NETO1: variants seen among roughly 807,000 people sequenced by gnomAD.
The protein encoded by NETO1 is neuropilin and tolloid like 1, also known as neuropilin and tolloid-like protein 1.
In NETO1, 26 loss-of-function variants were observed where a neutral mutation model predicts 61.3. The observed-to-expected ratio is 0.42, with a 90% CI of 0.31 to 0.59. NETO1 has a LOEUF of 0.59. Ranked by LOEUF, NETO1 falls within the 20% of genes least tolerant of loss-of-function variation. The pLI is 0.12. For synonymous variants in NETO1, 225 were observed against 225.8 expected, an observed-to-expected ratio of 1.00 and a Z score of 0.03; for missense variants, 531 against 662.8, an observed-to-expected ratio of 0.80 and a Z score of 2.18.
Position 72,747,816 on chromosome 18 carries a change from A to T in NETO1, c.*363T>A, listed in dbSNP as rs2070464023. 1 of 152,080 alleles carries T rather than the reference A, an allele frequency of 6.6e-6. No individual in the cohort carries two copies. The highest frequency in any genetic ancestry group is 1.5e-5 in the Non-Finnish European group (1 of 67,978). 9.4% of individuals were successfully genotyped at this position (152,080 alleles called of 1,614,324 possible). On this transcript the variant is annotated 3_prime_UTR_variant, in exon 11 of 11. Coordinates refer to ENST00000327305, the MANE Select transcript of NETO1 (RefSeq NM_138966.5). ...TTCGTGTTTTTTTTTCACATATCAC[A>T]CAATGTACAATTATATAACAAAGAC...
intron 4 of NETO1, among the ~76,000 whole-genome samples, chr18:72,832,369 A>G (rs1011751968): frequency 6.6e-6 from 1 of 152,218 alleles, no homozygotes; most frequent in Non-Finnish European, 1.5e-5. Context: ...AATTAGAGAA[A>G]GGTGCATTAC....
intron 4 of NETO1, among the ~76,000 whole-genome samples, chr18:72,855,510 T>C (rs976080821): frequency 6.6e-5 from 10 of 152,214 alleles, no homozygotes; most frequent in Non-Finnish European, 1.0e-4. Context: ...GGGCCTCCTT[T>C]AAGCCCATTT....
At chr18:72,813,887 G>A (rs1483032672) in intron 4 of NETO1, among the ~76,000 whole-genome samples, 1 of 151,988 alleles carries the variant, frequency 6.6e-6, no homozygotes, top group African/African-American at 2.4e-5. Context: ...TTTCAAAACT[G>A]TTGAAAAAGA....
intron 4 of NETO1, among the ~76,000 whole-genome samples, chr18:72,840,379 G>A (rs181084181): frequency 1.7e-3 from 266 of 152,296 alleles, no homozygotes; most frequent in Non-Finnish European, 3.1e-3. Flanking sequence ...AGGTGACCTA[G>A]CCCAGAAGCT....
intron 4 of NETO1, among the ~76,000 whole-genome samples, chr18:72,844,576 T>A (rs6566674): frequency 0.85 from 130,102 of 152,244 alleles, 56,091 homozygotes; most frequent in Non-Finnish European, 0.91. Context: ...AATGGTCTTG[T>A]CTACCAGATA....
At chr18:72,861,753 T>C (rs1014486501) in intron 3 of NETO1, among the ~76,000 whole-genome samples, 88 of 152,316 alleles carry the variant, frequency 5.8e-4, no homozygotes, top group African/African-American at 2.0e-3. Flanking sequence ...TCCCTCTTTC[T>C]CTTCTATTTT....
At chr18:72,794,052 G>A (rs2072228795) in intron 6 of NETO1, 65 bp downstream of exon 6, 1 of 1,601,754 alleles carries the variant, frequency 6.2e-7, no homozygotes, top group East Asian at 2.2e-5. Flanking sequence ...TTGCTTCAAA[G>A]CAATGCTTGT....
chr18:72,862,777 C>T lies in NETO1; in HGVS notation c.220+2031G>A, dbSNP rs560501620. 6.6e-5 allele frequency among the ~76,000 whole-genome samples: 10 copies of T among 152,144 alleles called. No individual in the cohort carries two copies. The East Asian group carries it at 7.8e-4, about 12-fold the overall frequency. On this transcript the variant is annotated intron_variant, in intron 3 of 10. Coordinates refer to ENST00000327305, the MANE Select transcript of NETO1 (RefSeq NM_138966.5). Reference sequence around the variant, plus strand: ...CTGGGACTACAGGTGCACGCCACCACGCCTGGCTCATTTTTCGTATTTTTA... The same window carrying T: ...CTGGGACTACAGGTGCACGCCACCATGCCTGGCTCATTTTTCGTATTTTTA...
chr18:72,777,777 T>C (rs2071606819), intron 7 of NETO1, among the ~76,000 whole-genome samples: 1 of 152,104 alleles, frequency 6.6e-6, no homozygotes, highest in Non-Finnish European at 1.5e-5. Flanking sequence ...AAGAATTTTA[T>C]CTTCGTGTTC....
At chr18:72,835,027 C>T in intron 4 of NETO1, 1 of 1,008,300 alleles carries the variant, frequency 9.9e-7, no homozygotes, top group Non-Finnish European at 1.2e-6. Context: ...AGAAGTCCCT[C>T]ACATAGGAGA....
At chr18:72,773,528 T>G (rs1422028228) in intron 7 of NETO1, among the ~76,000 whole-genome samples, 1 of 152,134 alleles carries the variant, frequency 6.6e-6, no homozygotes, top group African/African-American at 2.4e-5. Context: ...TGAATTGTAA[T>G]AATCCCCAGG....
intron 7 of NETO1, among the ~76,000 whole-genome samples, chr18:72,778,579 C>T (rs1250505697): frequency 6.6e-6 from 1 of 152,152 alleles, no homozygotes; most frequent in Non-Finnish European, 1.5e-5. Flanking sequence ...AAACACAATT[C>T]TGCCATATTC....
intron 7 of NETO1, among the ~76,000 whole-genome samples, chr18:72,765,650 C>T (rs2071128883): frequency 6.6e-6 from 1 of 152,004 alleles, no homozygotes; most frequent in Non-Finnish European, 1.5e-5. Context: ...AACTTCTGGC[C>T]TCATGATCCA....
In NETO1 at chr18:72,787,919, ACTT is replaced by A. The variant is rs60666357; in HGVS notation, c.640-4016_640-4014del. Among the ~76,000 whole-genome samples the A allele has an allele frequency of 6.2e-3, 942 of 152,316 alleles. 11 individuals carry two copies. Among genetic ancestry groups the A allele is most frequent in the African/African-American group, 0.021 (864 of 41,568 alleles). On this transcript the variant is annotated intron_variant, in intron 6 of 10. Coordinates refer to ENST00000327305, the MANE Select transcript of NETO1 (RefSeq NM_138966.5). ...ATAAATAAGCAAAGCAAAACTATCC[ACTT>A]CTTCTAATGAGCTAGAAAAGATGTT...
chr18:72,804,704 C>T (rs925885808), intron 4 of NETO1, among the ~76,000 whole-genome samples: 3 of 152,288 alleles, frequency 2.0e-5, no homozygotes, highest in African/African-American at 4.8e-5. Context: ...CATGAGCACA[C>T]GTCACTTCCT....
chr18:72,864,722 C>G lies in NETO1; in HGVS notation c.220+86G>C, dbSNP rs1211606830. 3 of 1,536,768 alleles carry G rather than the reference C, an allele frequency of 2.0e-6. No individual in the cohort carries two copies. The African/African-American group carries it at 4.1e-5, about 21-fold the overall frequency. ...TGATCTCCAGATCAATTTTGTAATG[C>G]CTATACGCATATTCTTCATCCAAAG... is the stretch of plus-strand genomic sequence containing the variant. On this transcript the variant is annotated intron_variant, in intron 3 of 10. Coordinates refer to ENST00000327305, the MANE Select transcript of NETO1 (RefSeq NM_138966.5).
intron 4 of NETO1, among the ~76,000 whole-genome samples, chr18:72,795,147 T>C (rs1252006049): frequency 6.6e-6 from 1 of 152,176 alleles, no homozygotes; most frequent in Non-Finnish European, 1.5e-5. Flanking sequence ...TAAGATGTTT[T>C]CTAATGGTGA....
intron 4 of NETO1, among the ~76,000 whole-genome samples, chr18:72,808,419 T>TTGTGTG (rs368047239): frequency 0.26 from 37,155 of 141,586 alleles, 5,614 homozygotes; most frequent in Middle Eastern, 0.35. Flanking sequence ...CACTGCAGAT[T>TTGTGTG]TGTGTGTGTG....
At chr18:72,848,674 G>A (rs2074161012) in intron 4 of NETO1, among the ~76,000 whole-genome samples, 1 of 152,138 alleles carries the variant, frequency 6.6e-6, no homozygotes, top group Non-Finnish European at 1.5e-5. Context: ...TCTGTCATTT[G>A]AGCTCTACCT....
Sources: allele counts gnomAD v4.1 joint callset (sites outside exome capture counted in the v4.1 genomes callset), GRCh38; gene constraint gnomAD v4.1.1; transcripts MANE v1.5; gene names NCBI Gene and HGNC (gene_info 2026-07-23, HGNC 2026-07-21).